The following EPC2 variants were observed in gnomAD, a reference collection of about 807,000 sequenced individuals.
EPC2 encodes enhancer of polycomb 2, also known as enhancer of polycomb homolog 2.
In EPC2, 14 loss-of-function variants were observed where a neutral mutation model predicts 92.1. The observed-to-expected ratio is 0.15, with a 90% CI of 0.10 to 0.24. The LOEUF (loss-of-function observed/expected upper bound fraction) is 0.24, where lower values mean the gene tolerates loss of function less well. EPC2 is among the 10% of genes least tolerant of loss of function. EPC2 has a pLI of 1.00. For synonymous variants in EPC2, 340 were observed against 334.7 expected (o/e 1.02, Z -0.17); for missense variants, 755 against 971.5 (o/e 0.78, Z 2.96).
intron 2 of EPC2, among the ~76,000 whole-genome samples, chr2:148,715,147 C>T (rs2105386898): frequency 6.6e-6 from 1 of 151,596 alleles, no homozygotes; most frequent in Non-Finnish European, 1.5e-5. Flanking sequence ...CATTTTCCTG[C>T]CTCAGCCTCC....
chr2:148,759,973 TGG>T lies in EPC2; in HGVS notation c.667-1808_667-1807del, dbSNP rs149237638. ...TAAAGAGAACAGAGGCTGGGGGCAG[TGG>T]CTCATGCCTGTAATCCCAGGACTTT... On this transcript the variant is annotated intron_variant, in intron 4 of 13. Coordinates refer to ENST00000258484, the MANE Select transcript of EPC2 (RefSeq NM_015630.4). Among the ~76,000 whole-genome samples the T allele has an allele frequency of 1.0e-2, 1,522 of 152,316 alleles. 24 individuals carry two copies. Among genetic ancestry groups the T allele is most frequent in the African/African-American group, 0.034 (1,427 of 41,566 alleles).
intron 6 of EPC2, among the ~76,000 whole-genome samples, chr2:148,763,843 G>A (rs958675729): frequency 6.6e-6 from 1 of 152,130 alleles, no homozygotes; most frequent in African/African-American, 2.4e-5. Context: ...TGATTGTTAA[G>A]CATTGCAATA....
intron 2 of EPC2, among the ~76,000 whole-genome samples, chr2:148,734,393 G>C (rs1162004532): frequency 2.0e-5 from 3 of 151,734 alleles, no homozygotes; most frequent in Admixed American, 6.6e-5. Flanking sequence ...ACACTTTTAT[G>C]ATTTCCAGTT....
At chr2:148,724,840 C>T (rs1682461925) in intron 2 of EPC2, among the ~76,000 whole-genome samples, 1 of 152,044 alleles carries the variant, frequency 6.6e-6, no homozygotes, top group Non-Finnish European at 1.5e-5. Context: ...ACTATTGGAA[C>T]CATTTCTGAA....
chr2:148,676,500 GA>G (rs939403335), intron 1 of EPC2, among the ~76,000 whole-genome samples: 10 of 151,856 alleles, frequency 6.6e-5, no homozygotes, highest in Non-Finnish European at 1.2e-4. Flanking sequence ...AGAAGATTTA[GA>G]AAATACAGAG....
chr2:148,657,862 GT>G (rs949910226), intron 1 of EPC2, among the ~76,000 whole-genome samples: 1 of 150,636 alleles, frequency 6.6e-6, no homozygotes, highest in African/African-American at 2.4e-5. Context: ...GCTTTCAAAT[GT>G]TTTTTTGACT....
At chr2:148,762,170 T>C (rs926690513) in intron 5 of EPC2, 1 of 249,986 alleles carries the variant, frequency 4.0e-6, no homozygotes, top group African/African-American at 2.3e-5. Context: ...AATTTTGTTT[T>C]GGCAGAATCA....
intron 2 of EPC2, among the ~76,000 whole-genome samples, chr2:148,728,270 C>T (rs557642835): frequency 5.3e-5 from 8 of 152,248 alleles, no homozygotes; most frequent in African/African-American, 7.2e-5. Context: ...CCTTATCTTA[C>T]ATCTGTATGC....
Position 148,786,405 on chromosome 2 carries a change from T to C in EPC2, c.*28T>C. 1 of 1,570,434 alleles carries C rather than the reference T, an allele frequency of 6.4e-7. No homozygotes were observed. The highest frequency in any genetic ancestry group is 8.7e-7 in the Non-Finnish European group (1 of 1,148,892). ...TAAAACACGTGGCTCTGACCTGTGC[T>C]GATGGTGTGCAGTCATTCATATTCC... On this transcript the variant is annotated 3_prime_UTR_variant, in exon 14 of 14. Coordinates refer to ENST00000258484, the MANE Select transcript of EPC2 (RefSeq NM_015630.4).
At chr2:148,660,939 A>G (rs904018488) in intron 1 of EPC2, among the ~76,000 whole-genome samples, 3 of 152,054 alleles carry the variant, frequency 2.0e-5, no homozygotes, top group African/African-American at 7.2e-5. Flanking sequence ...TTTCAAAGAT[A>G]AGATTATTAA....
At chr2:148,777,525 A>G (rs1325644740) in intron 10 of EPC2, among the ~76,000 whole-genome samples, 1 of 102,946 alleles carries the variant, frequency 9.7e-6, no homozygotes, top group Non-Finnish European at 2.0e-5. Context: ...TGTCAACAAA[A>G]AATCTTTGTT....
chr2:148,685,343 A>G (rs138930745), intron 1 of EPC2, among the ~76,000 whole-genome samples: 2,765 of 152,032 alleles, frequency 0.018, 75 homozygotes, highest in African/African-American at 0.062. Flanking sequence ...TCTTCTGTCT[A>G]TGGTTTTATT....
intron 7 of EPC2, among the ~76,000 whole-genome samples, chr2:148,766,173 A>G (rs1300075187): frequency 6.6e-6 from 1 of 152,190 alleles, no homozygotes; most frequent in African/African-American, 2.4e-5. Flanking sequence ...TTGAACTACT[A>G]CCAGCTTTAT....
intron 2 of EPC2, among the ~76,000 whole-genome samples, chr2:148,726,655 A>G (rs1682500804): frequency 6.6e-6 from 1 of 151,126 alleles, no homozygotes; most frequent in East Asian, 1.9e-4. Flanking sequence ...TCATACCTCA[A>G]AAGAGTTGAG....
At position 148,743,747 on chromosome 2, in the gene EPC2, GA is replaced by G; in HGVS notation, c.444del (p.Ala149ProfsTer7). On this transcript the variant is annotated frameshift_variant, in exon 3 of 14. Coordinates refer to ENST00000258484, the MANE Select transcript of EPC2 (RefSeq NM_015630.4). LOFTEE classifies it high-confidence loss of function. ...LQFEIMIDRLEKASSNQLVTL... is the reference protein window; with the variant it reads ...LQFEIMIDRLXKASSNQLVTL... The stretch of plus-strand genomic sequence containing the variant: ...ATTTGAAATTATGATTGACAGACTT[GA>G]AAAAGCCAGTTCTAATCAGGTACTG... 6.3e-7 allele frequency: 1 copy of G among 1,598,668 alleles called. No homozygotes were observed. Among genetic ancestry groups the G allele is most frequent in the African/African-American group, 1.4e-5 (1 of 73,912 alleles).
intron 2 of EPC2, among the ~76,000 whole-genome samples, chr2:148,699,155 T>G (rs1681822792): frequency 6.6e-6 from 1 of 152,292 alleles, no homozygotes; most frequent in African/African-American, 2.4e-5. Context: ...TTTTAGGCTT[T>G]TTAAAAAACA....
intron 1 of EPC2, among the ~76,000 whole-genome samples, chr2:148,666,543 TTC>T (rs1681059305): frequency 6.6e-6 from 1 of 152,220 alleles, no homozygotes; most frequent in Non-Finnish European, 1.5e-5. Flanking sequence ...AAAATACAAG[TTC>T]ACACTTTTAA....
At chr2:148,652,174 C>T (rs1054320917) in intron 1 of EPC2, among the ~76,000 whole-genome samples, 11 of 152,060 alleles carry the variant, frequency 7.2e-5, no homozygotes, top group African/African-American at 2.7e-4. Flanking sequence ...GTTAGTATAC[C>T]TATGTTGAGA....
In EPC2 at chr2:148,690,325, T is replaced by C; in HGVS notation, c.265T>C (p.Leu89=). 6.2e-7 allele frequency: 1 copy of C among 1,611,976 alleles called. No individual in the cohort carries two copies. Among genetic ancestry groups the C allele is most frequent in the African/African-American group, 1.3e-5 (1 of 74,990 alleles). Residue 89 remains leucine, a synonymous_variant, in exon 2 of 14, where the codon TTG becomes CTG. Transcript: ENST00000258484. Reference sequence around the variant, plus strand: ...GAGCAACGTCAACTATTACAATCGCTTGTACAAAGGAGAGTTTAAACAGCC... The same window carrying C: ...GAGCAACGTCAACTATTACAATCGCCTGTACAAAGGAGAGTTTAAACAGCC... ...AESNVNYYNR[L]YKGEFKQPKQ...
Sources: allele counts gnomAD v4.1 joint callset (sites outside exome capture counted in the v4.1 genomes callset), GRCh38; gene constraint gnomAD v4.1.1; transcripts MANE v1.5; gene names NCBI Gene and HGNC (gene_info 2026-07-23, HGNC 2026-07-21).